CSMD1: variants seen among roughly 807,000 people sequenced by gnomAD.
The protein encoded by CSMD1 is CUB and Sushi multiple domains 1.
In CSMD1, 213 loss-of-function variants were observed where a neutral mutation model predicts 417.5. That is an observed-to-expected ratio of 0.51 (90% CI 0.46 to 0.57). The LOEUF (loss-of-function observed/expected upper bound fraction) is 0.57, where lower values mean the gene tolerates loss of function less well. Ranked by LOEUF, CSMD1 falls within the 20% of genes least tolerant of loss-of-function variation. The pLI is 0.00. For missense variants in CSMD1, 6,923 were observed against 4,529.7 expected (o/e 1.53, Z -15.17); for synonymous variants, 2,862 against 1,736.8 (o/e 1.65, Z -16.11).
At chr8:4,608,389 C>A (rs775718150) in intron 2 of CSMD1, among the ~76,000 whole-genome samples, 1 of 152,068 alleles carries the variant, frequency 6.6e-6, no homozygotes, top group Non-Finnish European at 1.5e-5. Flanking sequence ...GCAGAGGGCT[C>A]GACAAAAGGA....
At chr8:4,142,948 GA>G (rs1803878743) in intron 3 of CSMD1, among the ~76,000 whole-genome samples, 1 of 148,948 alleles carries the variant, frequency 6.7e-6, no homozygotes, top group Non-Finnish European at 1.5e-5. Context: ...ATCATAAACA[GA>G]AATACCCAGA....
At chr8:3,931,904 GA>G (rs749093840) in intron 5 of CSMD1, among the ~76,000 whole-genome samples, 2,356 of 125,032 alleles carry the variant, frequency 0.019, 142 homozygotes, top group African/African-American at 0.061. Flanking sequence ...AAAAGAAACA[GA>G]AAAAAAAAAA....
chr8:4,313,524 T>C (rs1332316775), intron 3 of CSMD1, among the ~76,000 whole-genome samples: 2 of 101,138 alleles, frequency 2.0e-5, no homozygotes, highest in African/African-American at 3.7e-5. Context: ...AAAAAAAAAA[T>C]CACGCGTAGG....
intron 5 of CSMD1, among the ~76,000 whole-genome samples, chr8:3,950,618 C>T (rs1444695989): frequency 6.6e-6 from 1 of 152,184 alleles, no homozygotes; most frequent in African/African-American, 2.4e-5. Context: ...CGTGGCTCAG[C>T]AGGAACGTGT....
chr8:3,557,585 C>G (rs1361365430), intron 10 of CSMD1, among the ~76,000 whole-genome samples: 1 of 152,200 alleles, frequency 6.6e-6, no homozygotes, highest in African/African-American at 2.4e-5. Context: ...TGAATTGGCC[C>G]CAACAGCCTC....
intron 37 of CSMD1, among the ~76,000 whole-genome samples, chr8:3,174,880 A>G (rs1820808505): frequency 6.6e-6 from 1 of 152,150 alleles, no homozygotes; most frequent in African/African-American, 2.4e-5. Flanking sequence ...CACTTTAAAA[A>G]ATCTAGATAT....
At chr8:3,371,433 C>A (rs1809939328) in intron 18 of CSMD1, among the ~76,000 whole-genome samples, 1 of 151,280 alleles carries the variant, frequency 6.6e-6, no homozygotes, top group South Asian at 2.1e-4. Context: ...AGTGAAACAT[C>A]ACTCAGTGTC....
intron 1 of CSMD1, among the ~76,000 whole-genome samples, chr8:4,988,631 A>G (rs2117467673): frequency 6.6e-6 from 1 of 152,322 alleles, no homozygotes; most frequent in Non-Finnish European, 1.5e-5. Context: ...TGCCTAATGG[A>G]TGACAAAATC....
intron 3 of CSMD1, among the ~76,000 whole-genome samples, chr8:4,318,191 AC>A (rs1325295471): frequency 6.6e-6 from 1 of 152,116 alleles, no homozygotes; most frequent in African/African-American, 2.4e-5. Flanking sequence ...CTATGGGTTT[AC>A]ATGTGAATGA....
At chr8:4,017,818 G>T (rs1395740705) in intron 4 of CSMD1, among the ~76,000 whole-genome samples, 1 of 152,074 alleles carries the variant, frequency 6.6e-6, no homozygotes, top group Non-Finnish European at 1.5e-5. Context: ...AACATTTCTG[G>T]AGATCTCAGC....
intron 12 of CSMD1, among the ~76,000 whole-genome samples, chr8:3,467,268 T>G (rs1310724793): frequency 1.3e-5 from 2 of 152,210 alleles, no homozygotes; most frequent in Non-Finnish European, 2.9e-5. Context: ...AACCTCATGA[T>G]GTGTATCTCA....
At chr8:3,688,106 G>C (rs1227304337) in intron 7 of CSMD1, among the ~76,000 whole-genome samples, 5 of 152,200 alleles carry the variant, frequency 3.3e-5, no homozygotes, top group Non-Finnish European at 5.9e-5. Flanking sequence ...TGACCACTTA[G>C]TGTGCTTATC....
chr8:4,707,393 C>G (rs1186796812), intron 1 of CSMD1, among the ~76,000 whole-genome samples: 2 of 152,098 alleles, frequency 1.3e-5, no homozygotes, highest in African/African-American at 4.8e-5. Context: ...TGTTTTTAAT[C>G]GTGCTGGGAA....
At chr8:4,022,198 A>G (rs1796824198) in intron 4 of CSMD1, among the ~76,000 whole-genome samples, 1 of 148,494 alleles carries the variant, frequency 6.7e-6, no homozygotes, top group Non-Finnish European at 1.5e-5. Context: ...ATATATATAT[A>G]TAACAATAGC....
intron 3 of CSMD1, among the ~76,000 whole-genome samples, chr8:4,205,966 C>T (rs3860868): frequency 0.52 from 79,496 of 151,922 alleles, 21,475 homozygotes; most frequent in Non-Finnish European, 0.6. Flanking sequence ...CTTTTTCACA[C>T]GTTTCCATTC....
Position 3,411,275 on chromosome 8 carries a change from C to A in CSMD1, c.1562-1670G>T, listed in dbSNP as rs139203245. Among the ~76,000 whole-genome samples the A allele has an allele frequency of 1.8e-3, 271 of 152,288 alleles. 1 individual carries two copies. Among genetic ancestry groups the A allele is most frequent in the African/African-American group, 6.1e-3 (253 of 41,562 alleles). On this transcript the variant is annotated intron_variant, in intron 12 of 69. Transcript: ENST00000635120. ...GTGCATTGGTTTTACTTTTAGAATT[C>A]TTCATGGGCTTGCACTTTATTATCT...
chr8:2,958,814 A>C (rs1167060777), intron 62 of CSMD1, among the ~76,000 whole-genome samples: 1 of 152,226 alleles, frequency 6.6e-6, no homozygotes, highest in Non-Finnish European at 1.5e-5. Flanking sequence ...AATTTTAACC[A>C]GTTATTTAAT....
At chr8:4,407,525 T>C (rs1335494492) in intron 3 of CSMD1, among the ~76,000 whole-genome samples, 2 of 152,146 alleles carry the variant, frequency 1.3e-5, no homozygotes, top group Admixed American at 6.5e-5. Flanking sequence ...AGTGTTTAAA[T>C]TCAGAGTACA....
intron 10 of CSMD1, among the ~76,000 whole-genome samples, chr8:3,528,617 T>C (rs1302232622): frequency 2.6e-5 from 4 of 152,238 alleles, no homozygotes; most frequent in Non-Finnish European, 5.9e-5. Flanking sequence ...AAATACAAAT[T>C]TATATTAACT....
Sources: gnomAD v4.1 joint callset for allele counts (sites outside exome capture counted in the v4.1 genomes callset) on GRCh38, gnomAD v4.1.1 for gene constraint, MANE v1.5 for transcripts, NCBI Gene and HGNC (gene_info 2026-07-23, HGNC 2026-07-21) for gene names.